The following DNAH11 variants were observed in gnomAD, a reference collection of about 807,000 sequenced individuals.
DNAH11 encodes the protein dynein axonemal heavy chain 11.
Under a neutral mutation model 526.0 loss-of-function variants are expected in DNAH11, and 442 were observed. That is an observed-to-expected ratio of 0.84 (90% CI 0.78 to 0.91). The LOEUF (loss-of-function observed/expected upper bound fraction) is 0.91. DNAH11 is among the 40% of genes least tolerant of loss of function. The probability of loss-of-function intolerance (pLI) is 0.00; values close to 1 mark genes in which losing one functional copy is unlikely to be tolerated. For synonymous variants in DNAH11, 2,461 were observed against 1,935.9 expected (o/e 1.27, Z -7.12); for missense variants, 6,989 against 5,448.7 (o/e 1.28, Z -8.90).
chr7:21,748,756 A>T lies in DNAH11; in HGVS notation c.8673+14A>T. ...CAGGAACTTCGGGTGAGTCAAGGGG[A>T]CAGGCAGTTCTTCTGACCCTTCTGC... is the stretch of plus-strand genomic sequence containing the variant. On this transcript the variant is annotated intron_variant, in intron 52 of 81. Transcript: ENST00000409508. 6.2e-7 allele frequency: 1 copy of T among 1,608,966 alleles called. No individual in the cohort carries two copies. The highest frequency in any genetic ancestry group is 1.3e-5 in the African/African-American group (1 of 74,882).
chr7:21,560,785 A>G (rs1783422906), intron 4 of DNAH11, among the ~76,000 whole-genome samples: 1 of 152,238 alleles, frequency 6.6e-6, no homozygotes, highest in Non-Finnish European at 1.5e-5. Flanking sequence ...ACACCCAGGA[A>G]CAATACTTTG....
At position 21,901,761 on chromosome 7, in the gene DNAH11, AGTGTCC is replaced by A; in HGVS notation, c.*508_*513del. The A allele has an allele frequency of 1.3e-4, 2 of 15,534 alleles. No individual in the cohort carries two copies. The highest frequency in any genetic ancestry group is 0.013 in the South Asian group (2 of 156). 1.0% of individuals were successfully genotyped at this position (15,534 alleles called of 1,614,324 possible). ...GAGGCTAGCACTCTGTAAGGCCTCC[AGTGTCC>A]AGTGTCTACAATGTTGATGGTCCCC... On this transcript the variant is annotated 3_prime_UTR_variant, in exon 82 of 82. Transcript: ENST00000409508.
chr7:21,718,649 A>T (rs1269985491), intron 43 of DNAH11, among the ~76,000 whole-genome samples: 1 of 152,208 alleles, frequency 6.6e-6, no homozygotes, highest in East Asian at 1.9e-4. Flanking sequence ...TGTGATCTTC[A>T]TCTCAGCATG....
intron 61 of DNAH11, among the ~76,000 whole-genome samples, chr7:21,799,538 A>C (rs894475785): frequency 6.6e-6 from 1 of 151,890 alleles, no homozygotes; most frequent in East Asian, 1.9e-4. Context: ...AGGTTTCGCC[A>C]TGTTGGCCAG....
intron 28 of DNAH11, among the ~76,000 whole-genome samples, chr7:21,651,399 G>C (rs1031722080): frequency 6.6e-6 from 1 of 151,800 alleles, no homozygotes; most frequent in African/African-American, 2.4e-5. Flanking sequence ...GTCTCGCTCT[G>C]TCACCCAGGC....
chr7:21,563,575 C>G (rs1311229130), intron 5 of DNAH11, among the ~76,000 whole-genome samples: 1 of 152,154 alleles, frequency 6.6e-6, no homozygotes, highest in Non-Finnish European at 1.5e-5. Flanking sequence ...ATAAAATTAA[C>G]AATTTTAAAG....
chr7:21,899,378 G>C lies in DNAH11; in HGVS notation c.13092G>C (p.Trp4364Cys). The change falls in exon 80 of 82, where the codon TGG (tryptophan) becomes TGC (cysteine). Residue 4364 changes from tryptophan (W) to cysteine (C), a missense_variant. Physicochemically the swap from Trp to Cys is radical, Grantham distance 215 (BLOSUM62 -2). Coordinates refer to ENST00000409508, the MANE Select transcript of DNAH11 (RefSeq NM_001277115.2). The stretch of plus-strand genomic sequence containing the variant: ...TGCGATGCCGAGAACTCGATACTTG[G>C]ACACAAGACCTTACCCTTCCGGCTG... ...LLLRCRELDT[W>C]TQDLTLPAVV... is the part of the protein sequence containing the mutation. 1 of 1,614,002 alleles carries C rather than the reference G, an allele frequency of 6.2e-7. No individual in the cohort carries two copies. Among genetic ancestry groups the C allele is most frequent in the Non-Finnish European group, 8.5e-7 (1 of 1,179,888 alleles).
intron 77 of DNAH11, among the ~76,000 whole-genome samples, chr7:21,893,418 C>T (rs922086006): frequency 2.0e-5 from 3 of 152,224 alleles, no homozygotes; most frequent in African/African-American, 7.2e-5. Flanking sequence ...CATCTTTTCA[C>T]ATGCTTATGG....
chr7:21,599,487 A>G lies in DNAH11; in HGVS notation c.2668-300A>G, dbSNP rs536373963. 4.6e-5 allele frequency among the ~76,000 whole-genome samples: 7 copies of G among 152,376 alleles called. No individual in the cohort carries two copies. The South Asian group carries it at 1.5e-3, about 32-fold the overall frequency. On this transcript the variant is annotated intron_variant, in intron 14 of 81. Coordinates refer to ENST00000409508, the MANE Select transcript of DNAH11 (RefSeq NM_001277115.2). ...AGAGCAAAAACTAGAGCCCAGGTCC[A>G]AAATGTCTAGAATTCACTGGGAACT...
chr7:21,798,471 C>T (rs1216263410), intron 61 of DNAH11, among the ~76,000 whole-genome samples: 1 of 152,160 alleles, frequency 6.6e-6, no homozygotes, highest in Non-Finnish European at 1.5e-5. Context: ...GACTGGGAAG[C>T]CTGGAAGTAT....
At chr7:21,577,046 C>A (rs1784123751) in intron 8 of DNAH11, among the ~76,000 whole-genome samples, 1 of 152,182 alleles carries the variant, frequency 6.6e-6, no homozygotes, top group African/African-American at 2.4e-5. Flanking sequence ...TATTGGGACT[C>A]AAGAAACAAC....
intron 35 of DNAH11, 53 bp from the exon 36 acceptor site, chr7:21,698,022 T>C (rs971451950): frequency 6.5e-7 from 1 of 1,548,344 alleles, no homozygotes; most frequent in African/African-American, 1.4e-5. Context: ...TTCAGCAATT[T>C]GTACTTATCA....
chr7:21,748,182 G>C (rs573985542), intron 51 of DNAH11, among the ~76,000 whole-genome samples: 1 of 152,098 alleles, frequency 6.6e-6, no homozygotes, highest in East Asian at 1.9e-4. Flanking sequence ...TTTATCTAAA[G>C]AATAAACAAA....
intron 28 of DNAH11, 78 bp downstream of exon 28, chr7:21,639,143 C>G: frequency 6.9e-7 from 1 of 1,458,558 alleles, no homozygotes; most frequent in Non-Finnish European, 9.1e-7. Flanking sequence ...TTGTCAAATG[C>G]TACCTGTCAT....
At chr7:21,561,326 A>G (rs1783451955) in intron 5 of DNAH11, 156 bp downstream of exon 5, 1 of 601,686 alleles carries the variant, frequency 1.7e-6, no homozygotes, top group Admixed American at 3.2e-5. Flanking sequence ...TTTGTACTAT[A>G]TTCTCCACCC....
intron 79 of DNAH11, among the ~76,000 whole-genome samples, chr7:21,897,134 G>T (rs1206907688): frequency 6.6e-6 from 1 of 152,082 alleles, no homozygotes; most frequent in Admixed American, 6.6e-5. Context: ...TATATTTTTG[G>T]AAGGGTGCCT....
rs141885124 is a variant in DNAH11, at chr7:21,795,569, A to G, written c.10027-5568A>G. On this transcript the variant is annotated intron_variant, in intron 61 of 81. Transcript: ENST00000409508. ...GACACATGAGAGGAACTCAAAAACT[A>G]TTAGTTAAATTAACAAACAGAACCA... Among the ~76,000 whole-genome samples, 6 of 152,336 alleles carry G rather than the reference A, an allele frequency of 3.9e-5. No individual in the cohort carries two copies. In the East Asian group the frequency reaches 1.2e-3, roughly 29 times the overall value.
rs189674446 is a variant in DNAH11 at position 21,783,095 on chromosome 7, T to C, written c.9484-1332T>C. ...TTATGGAAAATAAATAAACCTGAGA[T>C]GATAACTCCTTCACTCACATAAACT... is the stretch of plus-strand genomic sequence containing the variant. On this transcript the variant is annotated intron_variant, in intron 57 of 81. Coordinates refer to ENST00000409508, the MANE Select transcript of DNAH11 (RefSeq NM_001277115.2). 1.6e-3 allele frequency among the ~76,000 whole-genome samples: 238 copies of C among 152,270 alleles called. 1 individual carries two copies. The highest frequency in any genetic ancestry group is 5.6e-3 in the African/African-American group (232 of 41,562).
At chr7:21,675,340 C>T (rs1782831277) in intron 30 of DNAH11, among the ~76,000 whole-genome samples, 1 of 152,216 alleles carries the variant, frequency 6.6e-6, no homozygotes, top group African/African-American at 2.4e-5. Flanking sequence ...AGGGCCTTTA[C>T]ACAGGCTGCT....
Sources: gnomAD v4.1 joint callset for allele counts (sites outside exome capture counted in the v4.1 genomes callset) on GRCh38, gnomAD v4.1.1 for gene constraint, MANE v1.5 for transcripts, NCBI Gene and HGNC (gene_info 2026-07-23, HGNC 2026-07-21) for gene names.